The following TUNAR variants were observed in gnomAD, a reference collection of about 807,000 sequenced individuals.
The protein encoded by TUNAR is transmembrane neural differentiation associated intracellular calcium regulator.
intron 2 of TUNAR, among the ~76,000 whole-genome samples, chr14:95,917,210 T>C (rs976604567): frequency 1.3e-5 from 2 of 152,242 alleles, no homozygotes; most frequent in Non-Finnish European, 2.9e-5. Flanking sequence ...TCTATTCTTA[T>C]CTATAATTCA....
At chr14:95,922,302 C>G (rs575706701) in intron 2 of TUNAR, among the ~76,000 whole-genome samples, 26 of 152,342 alleles carry the variant, frequency 1.7e-4, no homozygotes, top group African/African-American at 6.3e-4. Context: ...TCCAGCCACC[C>G]CTACCCATAC....
intron 2 of TUNAR, among the ~76,000 whole-genome samples, chr14:95,903,282 CAT>C (rs1889383732): frequency 6.6e-6 from 1 of 152,146 alleles, no homozygotes; most frequent in South Asian, 2.1e-4. Flanking sequence ...TATTGATGGA[CAT>C]AAAGTGCTTA....
At chr14:95,921,828 T>C (rs758348355) in intron 2 of TUNAR, among the ~76,000 whole-genome samples, 3 of 152,196 alleles carry the variant, frequency 2.0e-5, no homozygotes, top group African/African-American at 4.8e-5. Context: ...ATAAATCAAA[T>C]TGTACTGCAC....
intron 2 of TUNAR, among the ~76,000 whole-genome samples, chr14:95,898,738 T>G (rs1037145094): frequency 2.0e-5 from 3 of 152,228 alleles, no homozygotes; most frequent in Admixed American, 6.5e-5. Context: ...TAGCTACTAG[T>G]ATACTGAGTG....
intron 2 of TUNAR, among the ~76,000 whole-genome samples, chr14:95,884,770 G>A (rs921889121): frequency 2.6e-5 from 4 of 152,050 alleles, no homozygotes; most frequent in Non-Finnish European, 4.4e-5. Flanking sequence ...CACCTGCTAC[G>A]TCCAAACACT....
chr14:95,885,912 C>A (rs1889068940), intron 2 of TUNAR, among the ~76,000 whole-genome samples: 1 of 152,146 alleles, frequency 6.6e-6, no homozygotes, highest in South Asian at 2.1e-4. Context: ...ATTGCAGTGT[C>A]TCTGCTTGTC....
chr14:95,889,736 T>C (rs1304008664), intron 2 of TUNAR, among the ~76,000 whole-genome samples: 3 of 152,066 alleles, frequency 2.0e-5, no homozygotes, highest in Non-Finnish European at 4.4e-5. Context: ...TTCTGGCTGG[T>C]CTCTCATAGC....
chr14:95,894,998 G>A (rs1017125879), intron 2 of TUNAR, among the ~76,000 whole-genome samples: 10 of 152,230 alleles, frequency 6.6e-5, no homozygotes, highest in African/African-American at 2.4e-4. Flanking sequence ...CCTCTCTCCT[G>A]ACGATAGGTT....
exon 2 of TUNAR, chr14:95,877,065 C>A (rs1566783023): frequency 1.3e-5 from 2 of 152,256 alleles, no homozygotes; most frequent in African/African-American, 4.8e-5. Context: ...CGGCAGCCTC[C>A]TTTTTTTCCT....
chr14:95,921,855 T>TG (rs1272093051), intron 2 of TUNAR, among the ~76,000 whole-genome samples: 1 of 152,244 alleles, frequency 6.6e-6, no homozygotes, highest in African/African-American at 2.4e-5. Flanking sequence ...GTCTGCCATG[T>TG]GCTCTTTCCC....
intron 2 of TUNAR, among the ~76,000 whole-genome samples, chr14:95,913,675 G>A (rs1951308): frequency 0.015 from 2,228 of 152,178 alleles, 49 homozygotes; most frequent in African/African-American, 0.05. Context: ...CTTGGATATC[G>A]CTCAGCCATG....
At chr14:95,907,855 A>G (rs1376373512) in intron 2 of TUNAR, among the ~76,000 whole-genome samples, 1 of 152,072 alleles carries the variant, frequency 6.6e-6, no homozygotes, top group Admixed American at 6.5e-5. Flanking sequence ...CCCTCAGCAG[A>G]GAGGATAGAT....
chr14:95,923,093 A>C lies in TUNAR; in HGVS notation c.*127A>C, dbSNP rs981624843. 2.4e-4 allele frequency: 96 copies of C among 397,360 alleles called. No homozygotes were observed. The East Asian group carries it at 2.9e-3, about 12-fold the overall frequency. The allele number at this position is 397,360 out of a possible 1,614,324, so 24.6% of individuals were successfully genotyped here. Reference sequence around the variant, plus strand: ...CCGCACATACCACCCAATCAAATGCACCTTCAAACTTTACAAAAGGTCACA... The same window carrying C: ...CCGCACATACCACCCAATCAAATGCCCCTTCAAACTTTACAAAAGGTCACA... On this transcript the variant is annotated 3_prime_UTR_variant, in exon 3 of 3. Coordinates refer to ENST00000678517, the Ensembl canonical transcript of TUNAR.
chr14:95,878,985 G>A (rs1448890425), intron 2 of TUNAR, among the ~76,000 whole-genome samples: 1 of 152,102 alleles, frequency 6.6e-6, no homozygotes, highest in Non-Finnish European at 1.5e-5. Context: ...AATAAATAAA[G>A]TGATTTTTTT....
At chr14:95,903,699 A>T (rs1022058822) in intron 2 of TUNAR, among the ~76,000 whole-genome samples, 1 of 152,166 alleles carries the variant, frequency 6.6e-6, no homozygotes, top group African/African-American at 2.4e-5. Context: ...GGTCGTTATT[A>T]TCTCATGGGG....
At chr14:95,917,456 C>A (rs979324180) in intron 2 of TUNAR, among the ~76,000 whole-genome samples, 4 of 152,170 alleles carry the variant, frequency 2.6e-5, no homozygotes, top group African/African-American at 9.7e-5. Flanking sequence ...TAGTAAACAT[C>A]TTGGCTGTTA....
intron 2 of TUNAR, among the ~76,000 whole-genome samples, chr14:95,887,188 A>T (rs115853718): frequency 6.6e-6 from 1 of 152,184 alleles, no homozygotes; most frequent in Non-Finnish European, 1.5e-5. Context: ...ACGTACATAC[A>T]TAAGTTTAAG....
chr14:95,918,466 T>A (rs1215199817), intron 2 of TUNAR, among the ~76,000 whole-genome samples: 2 of 152,202 alleles, frequency 1.3e-5, no homozygotes, highest in Admixed American at 1.3e-4. Flanking sequence ...TTCTAACTTC[T>A]CCATTTAAGG....
intron 2 of TUNAR, among the ~76,000 whole-genome samples, chr14:95,919,865 C>T (rs1889662469): frequency 6.6e-6 from 1 of 152,128 alleles, no homozygotes; most frequent in South Asian, 2.1e-4. Context: ...TGGGTGCTCA[C>T]TGTAAAATTC....
Sources: gnomAD v4.1 joint callset for allele counts (sites outside exome capture counted in the v4.1 genomes callset) on GRCh38, gnomAD v4.1.1 for gene constraint, MANE v1.5 for transcripts, NCBI Gene and HGNC (gene_info 2026-07-23, HGNC 2026-07-21) for gene names.